Variants in CTXND1 observed in about 807,000 individuals in gnomAD.
CTXND1 encodes cortexin domain containing 1.
intron 1 of CTXND1, among the ~76,000 whole-genome samples, chr15:80,243,382 A>T (rs1287537747): frequency 1.3e-5 from 2 of 152,168 alleles, no homozygotes; most frequent in Admixed American, 1.3e-4. Context: ...TCACCTTAGC[A>T]TATTCTCTGG....
chr15:80,201,716 C>G lies in CTXND1; in HGVS notation c.*54G>C. ...CTGGCAGGGAACACACGGATGCATC[C>G]TGGGGCACAGCCACCCACAGAGCGC... On this transcript the variant is annotated 3_prime_UTR_variant, in exon 3 of 3. Coordinates refer to ENST00000560778, the MANE Select transcript of CTXND1 (RefSeq NM_001352888.2). The G allele has an allele frequency of 2.5e-6, 1 of 398,462 alleles. No individual in the cohort carries two copies. The highest frequency in any genetic ancestry group is 3.6e-5 in the East Asian group (1 of 28,084). 24.7% of individuals were successfully genotyped at this position (398,462 alleles called of 1,614,324 possible).
At chr15:80,234,632 T>G (rs1334701416) in intron 1 of CTXND1, among the ~76,000 whole-genome samples, 1 of 152,122 alleles carries the variant, frequency 6.6e-6, no homozygotes, top group Non-Finnish European at 1.5e-5. Flanking sequence ...TGCATGCCAC[T>G]GTGCCTGGCT....
chr15:80,199,773 T>C lies in CTXND1; in HGVS notation c.*1997A>G, dbSNP rs995245924. The C allele has an allele frequency of 2.6e-5, 4 of 152,210 alleles. No individual in the cohort carries two copies. The highest frequency in any genetic ancestry group is 9.7e-5 in the African/African-American group (4 of 41,412). The allele number at this position is 152,210 out of a possible 1,614,324, so 9.4% of individuals were successfully genotyped here. On this transcript the variant is annotated 3_prime_UTR_variant, in exon 3 of 3. Transcript: ENST00000560778. ...CTGAAGAGCTGTGGCCTTGTCCACA[T>C]TCAGGGGTCACCTAGTAGTGATAGT...
Position 80,195,632 on chromosome 15 carries a change from AC to A in CTXND1, c.*6137del, listed in dbSNP as rs2142116934. ...GGCAAGAGAGAAAAGAGGACCAAAC[AC>A]CCCCTTCATAACAAACCCACTCTTG... On this transcript the variant is annotated 3_prime_UTR_variant, in exon 3 of 3. Transcript: ENST00000560778. 1 of 151,936 alleles carries A rather than the reference AC, an allele frequency of 6.6e-6. No individual in the cohort carries two copies. Among genetic ancestry groups the A allele is most frequent in the African/African-American group, 2.4e-5 (1 of 41,412 alleles). 9.4% of individuals were successfully genotyped at this position (151,936 alleles called of 1,614,324 possible).
At chr15:80,240,367 CCT>C (rs1439830170) in intron 1 of CTXND1, among the ~76,000 whole-genome samples, 3 of 152,166 alleles carry the variant, frequency 2.0e-5, no homozygotes, top group Non-Finnish European at 4.4e-5. Context: ...CCAAGGTCTC[CCT>C]CTCTCTACCA....
At position 80,201,198 on chromosome 15, in the gene CTXND1, TAAAAAAATACTGCTTGG is replaced by T. The variant is rs2041447210; in HGVS notation, c.*555_*571del. On this transcript the variant is annotated 3_prime_UTR_variant, in exon 3 of 3. Transcript: ENST00000560778. ...AAATATATCCCTCTATATTTTAGTT[TAAAAAAATACTGCTTGG>T]AAGCAGCCCATATCCTGTGCGTTTT... The T allele has an allele frequency of 6.6e-6, 1 of 152,156 alleles. No homozygotes were observed. Among genetic ancestry groups the T allele is most frequent in the African/African-American group, 2.4e-5 (1 of 41,426 alleles). 9.4% of individuals were successfully genotyped at this position (152,156 alleles called of 1,614,324 possible).
intron 1 of CTXND1, among the ~76,000 whole-genome samples, chr15:80,226,318 G>T (rs1439836241): frequency 6.6e-6 from 1 of 152,190 alleles, no homozygotes; most frequent in Non-Finnish European, 1.5e-5. Flanking sequence ...TCTCAGGAGG[G>T]TCTTTTTGCT....
intron 1 of CTXND1, among the ~76,000 whole-genome samples, chr15:80,208,642 C>T (rs1226158329): frequency 2.6e-5 from 4 of 152,126 alleles, no homozygotes; most frequent in Non-Finnish European, 5.9e-5. Flanking sequence ...TTCCTCACAC[C>T]CTCTCCAGCA....
chr15:80,226,093 A>T (rs998043970), intron 1 of CTXND1, among the ~76,000 whole-genome samples: 1 of 152,142 alleles, frequency 6.6e-6, no homozygotes, highest in African/African-American at 2.4e-5. Flanking sequence ...GAGGAGGTTA[A>T]CCTTTCTCTC....
intron 2 of CTXND1, among the ~76,000 whole-genome samples, chr15:80,202,394 G>A (rs1327454415): frequency 1.3e-5 from 2 of 152,134 alleles, no homozygotes; most frequent in Non-Finnish European, 2.9e-5. Context: ...TTTCCATTTA[G>A]CCAAGCCACT....
In CTXND1 at chr15:80,211,785, A is replaced by C. The variant is rs149076334; in HGVS notation, c.-217-8045T>G. Among the ~76,000 whole-genome samples the C allele has an allele frequency of 3.1e-4, 47 of 152,320 alleles. No homozygotes were observed. In the East Asian group the frequency reaches 8.3e-3, roughly 27 times the overall value. ...GAGAATGCATTGTTATTACTTCATA[A>C]TTCTAAGAACCACCATACCAATTCT... On this transcript the variant is annotated intron_variant, in intron 1 of 2. Coordinates refer to ENST00000560778, the MANE Select transcript of CTXND1 (RefSeq NM_001352888.2).
rs2041422240 is a variant in CTXND1, at chr15:80,196,713, T to C, written c.*5057A>G. The stretch of plus-strand genomic sequence containing the variant: ...GAATGGCTGCTAAGTGGTAATAAGA[T>C]GAATTGTGCTGGTTTTTCTTCTTTT... On this transcript the variant is annotated 3_prime_UTR_variant, in exon 3 of 3. Transcript: ENST00000560778. 6.6e-6 allele frequency: 1 copy of C among 152,204 alleles called. No homozygotes were observed. The highest frequency in any genetic ancestry group is 6.5e-5 in the Admixed American group (1 of 15,280). The allele number at this position is 152,204 out of a possible 1,614,324, so 9.4% of individuals were successfully genotyped here. A position where few individuals can be genotyped will look rare whatever the true frequency, so the allele number is the denominator to read the frequency against.
At chr15:80,250,063 A>C (rs1458969027) in intron 1 of CTXND1, among the ~76,000 whole-genome samples, 1 of 152,132 alleles carries the variant, frequency 6.6e-6, no homozygotes, top group Non-Finnish European at 1.5e-5. Flanking sequence ...CCTTGATACC[A>C]TTTCATTTTC....
At chr15:80,204,389 A>T (rs573225394) in intron 1 of CTXND1, among the ~76,000 whole-genome samples, 1 of 150,618 alleles carries the variant, frequency 6.6e-6, no homozygotes, top group African/African-American at 2.4e-5. Flanking sequence ...CCATCTCCAG[A>T]ACTCTTCATC....
In CTXND1 at chr15:80,211,742, G is replaced by A. The variant is rs189127792; in HGVS notation, c.-217-8002C>T. 1.2e-4 allele frequency among the ~76,000 whole-genome samples: 18 copies of A among 152,282 alleles called. 1 individual carries two copies. The highest frequency in any genetic ancestry group is 3.6e-4 in the African/African-American group (15 of 41,550). ...ACCATTTTAGATAAAAGTAAGAAAA[G>A]AGGGGTATTTCTGCTGAGAGAATGC... On this transcript the variant is annotated intron_variant, in intron 1 of 2. Transcript: ENST00000560778.
intron 1 of CTXND1, among the ~76,000 whole-genome samples, chr15:80,249,575 A>G (rs939945186): frequency 6.6e-6 from 1 of 152,232 alleles, no homozygotes; most frequent in African/African-American, 2.4e-5. Context: ...TTAGTAATTG[A>G]TGATTCTGGG....
rs1438035514 is a variant in CTXND1, at chr15:80,195,611, A to G, written c.*6159T>C. On this transcript the variant is annotated 3_prime_UTR_variant, in exon 3 of 3. Transcript: ENST00000560778. ...CATGGTGGAAGGAATCACATGGGCA[A>G]GAGAGAAAAGAGGACCAAACACCCC... The G allele has an allele frequency of 6.6e-6, 1 of 152,252 alleles. No homozygotes were observed. The highest frequency in any genetic ancestry group is 2.4e-5 in the African/African-American group (1 of 41,450). 9.4% of individuals were successfully genotyped at this position (152,252 alleles called of 1,614,324 possible).
chr15:80,211,762 G>A (rs1386241811), intron 1 of CTXND1, among the ~76,000 whole-genome samples: 3 of 152,182 alleles, frequency 2.0e-5, no homozygotes, highest in Non-Finnish European at 4.4e-5. Flanking sequence ...TCTGCTGAGA[G>A]AATGCATTGT....
At chr15:80,204,616 AT>A (rs1344163896) in intron 1 of CTXND1, among the ~76,000 whole-genome samples, 69 of 144,134 alleles carry the variant, frequency 4.8e-4, no homozygotes, top group African/African-American at 1.5e-3. Flanking sequence ...TCAGAATTTC[AT>A]TTTTTTTAAG....
Sources: allele counts gnomAD v4.1 joint callset (sites outside exome capture counted in the v4.1 genomes callset), GRCh38; gene constraint gnomAD v4.1.1; transcripts MANE v1.5; gene names NCBI Gene and HGNC (gene_info 2026-07-23, HGNC 2026-07-21).